Variants in TEKT1 observed in about 807,000 individuals in gnomAD.
TEKT1 encodes tektin-1.
In TEKT1, 32 loss-of-function variants were observed where a neutral mutation model predicts 34.8. The ratio of observed to expected loss-of-function variants is 0.92; its 90% confidence interval spans 0.69 to 1.23. The LOEUF (loss-of-function observed/expected upper bound fraction) is 1.23, where lower values mean the gene tolerates loss of function less well. Among genes scored for constraint, TEKT1 ranks in the 50% most tolerant of loss-of-function variants. TEKT1 has a pLI of 0.00. For synonymous variants in TEKT1, 207 were observed against 199.8 expected (o/e 1.04, Z -0.30); for missense variants, 492 against 518.5 (o/e 0.95, Z 0.50).
At chr17:6,804,384 T>C (rs1409379906) in intron 6 of TEKT1, among the ~76,000 whole-genome samples, 1 of 151,964 alleles carries the variant, frequency 6.6e-6, no homozygotes, top group East Asian at 1.9e-4. Flanking sequence ...GTTTTCTAGA[T>C]ATACAATCAT....
rs771032074 is a variant in TEKT1, at chr17:6,800,791, A to G, written c.1005T>C (p.Tyr335=). Residue 335 remains tyrosine (Y), a synonymous_variant, in exon 7 of 8, where the codon TAT becomes TAC. Coordinates refer to ENST00000338694, the MANE Select transcript of TEKT1 (RefSeq NM_053285.2). ...TCTCTTGAACCTCCTTCATTAGCCT[A>G]TATTGTGCGACATCACGACACAGCT... ...NVELCRDVAQ[Y]RLMKEVQEIT... 6.2e-7 allele frequency: 1 copy of G among 1,614,078 alleles called. No homozygotes were observed. Among genetic ancestry groups the G allele is most frequent in the Non-Finnish European group, 8.5e-7 (1 of 1,180,008 alleles).
At chr17:6,806,413 CTT>C (rs571776793) in intron 6 of TEKT1, among the ~76,000 whole-genome samples, 34 of 152,284 alleles carry the variant, frequency 2.2e-4, no homozygotes, top group African/African-American at 7.2e-4. Flanking sequence ...GGTCTTGACT[CTT>C]TATCCAATTT....
At chr17:6,813,224 C>A (rs1451576661) in intron 5 of TEKT1, among the ~76,000 whole-genome samples, 171 bp from the exon 6 acceptor site, 2 of 152,072 alleles carry the variant, frequency 1.3e-5, no homozygotes, top group Non-Finnish European at 2.9e-5. Flanking sequence ...TTTGGGCAAC[C>A]TCCCTACTCT....
At chr17:6,800,478 C>T (rs1377269021) in intron 7 of TEKT1, among the ~76,000 whole-genome samples, 15 of 152,188 alleles carry the variant, frequency 9.9e-5, no homozygotes, top group Admixed American at 9.8e-4. Flanking sequence ...ATGACGTAGA[C>T]ACCTTATGAA....
chr17:6,800,035 C>G lies in TEKT1; in HGVS notation c.1249G>C (p.Val417Leu), dbSNP rs375573570. The G allele has an allele frequency of 1.9e-6, 3 of 1,606,692 alleles. No individual in the cohort carries two copies. The African/African-American group carries it at 4.0e-5, about 21-fold the overall frequency. ...TGGAACTAGCCCTACTATTAGCAGACAGCATCAGGGCGGAGGCCCCCAGCC... is the reference window on the plus strand; with the variant it reads ...TGGAACTAGCCCTACTATTAGCAGAGAGCATCAGGGCGGAGGCCCCCAGCC... ...VWAGGLRPDA[V>L]C Residue 417 changes from valine (V) to leucine (L), a missense_variant, in exon 8 of 8, where the codon GTC (valine) becomes CTC (leucine). Physicochemically the swap from Val to Leu is conservative, Grantham distance 32 (BLOSUM62 1). Coordinates refer to ENST00000338694, the MANE Select transcript of TEKT1 (RefSeq NM_053285.2).
In TEKT1 at chr17:6,830,263, G is replaced by A. The variant is rs145017654; in HGVS notation, c.114C>T (p.Val38=). The change falls in exon 2 of 8, where the codon GTC becomes GTT. Residue 38 remains valine, a synonymous_variant. Coordinates refer to ENST00000338694, the MANE Select transcript of TEKT1 (RefSeq NM_053285.2). ...CATCCACAAGCCTCTGGCTTTCTGCGACCAGGCGTTCTGATCGGGACCTTT... is the reference window on the plus strand; with the variant it reads ...CATCCACAAGCCTCTGGCTTTCTGCAACCAGGCGTTCTGATCGGGACCTTT... The part of the protein sequence containing the change: ...DAQRSRSERL[V]AESQRLVDEI... The A allele has an allele frequency of 1.2e-5, 20 of 1,612,954 alleles. No homozygotes were observed. Among genetic ancestry groups the A allele is most frequent in the East Asian group, 4.5e-5 (2 of 44,850 alleles).
At chr17:6,804,827 G>T (rs1229277679) in intron 6 of TEKT1, among the ~76,000 whole-genome samples, 1 of 152,170 alleles carries the variant, frequency 6.6e-6, no homozygotes, top group East Asian at 1.9e-4. Flanking sequence ...GATCATGGTG[G>T]ATAAGCTTTT....
At chr17:6,830,827 T>C (rs1904554809) in intron 1 of TEKT1, among the ~76,000 whole-genome samples, 1 of 152,158 alleles carries the variant, frequency 6.6e-6, no homozygotes, top group Non-Finnish European at 1.5e-5. Context: ...TTTTCTACTG[T>C]TTATGGATAT....
chr17:6,811,224 TATCATCATCATC>T lies in TEKT1; in HGVS notation c.852+1595_852+1606del, dbSNP rs376522151. 3.3e-5 allele frequency among the ~76,000 whole-genome samples: 5 copies of T among 151,876 alleles called. No homozygotes were observed. Among genetic ancestry groups the T allele is most frequent in the Admixed American group, 6.6e-5 (1 of 15,244 alleles). On this transcript the variant is annotated intron_variant, in intron 6 of 7. Coordinates refer to ENST00000338694, the MANE Select transcript of TEKT1 (RefSeq NM_053285.2). This position sits in a 1 kb window ranked among gnomAD's most constrained non-coding sequence, Gnocchi z 4.4. ...GGAAGTCTCTGGATTATTCCTTGGC[TATCATCATCATC>T]ATCATCATCATCAATCAACTATTTT...
At chr17:6,824,303 T>TACC (rs71157225) in intron 2 of TEKT1, among the ~76,000 whole-genome samples, 1 of 151,904 alleles carries the variant, frequency 6.6e-6, no homozygotes, top group Non-Finnish European at 1.5e-5. Flanking sequence ...TTTATGTGAT[T>TACC]TCTGGCGTTA....
At chr17:6,804,856 A>G (rs372759164) in intron 6 of TEKT1, among the ~76,000 whole-genome samples, 12 of 152,194 alleles carry the variant, frequency 7.9e-5, no homozygotes, top group African/African-American at 4.8e-5. Context: ...TGCTGGATTC[A>G]GTTTGCCAGT....
chr17:6,824,013 G>A (rs188638582), intron 2 of TEKT1, among the ~76,000 whole-genome samples: 43 of 151,926 alleles, frequency 2.8e-4, no homozygotes, highest in African/African-American at 6.5e-4. Context: ...TAGTAGAGAC[G>A]AGGTCTCACC....
intron 2 of TEKT1, among the ~76,000 whole-genome samples, chr17:6,826,871 GT>G (rs1904420302): frequency 2.0e-5 from 3 of 151,260 alleles, no homozygotes; most frequent in African/African-American, 7.3e-5. Flanking sequence ...AATTTTTAGT[GT>G]TTTTAGTAGA....
chr17:6,808,859 T>C (rs922885062), intron 6 of TEKT1, among the ~76,000 whole-genome samples: 1 of 152,140 alleles, frequency 6.6e-6, no homozygotes, highest in Non-Finnish European at 1.5e-5. Flanking sequence ...CCAAAATACA[T>C]AGATAGCAAT....
chr17:6,830,439 C>A, intron 1 of TEKT1, 46 bp from the exon 2 acceptor site: 1 of 1,286,556 alleles, frequency 7.8e-7, no homozygotes, highest in Non-Finnish European at 1.1e-6. Flanking sequence ...GCAATTTGTC[C>A]TTTTTTATGA....
At chr17:6,804,212 CT>C (rs1976815719) in intron 6 of TEKT1, among the ~76,000 whole-genome samples, 2 of 152,116 alleles carry the variant, frequency 1.3e-5, no homozygotes, top group South Asian at 4.1e-4. Context: ...ATTTTATTCT[CT>C]TTGAAGCAAT....
chr17:6,827,966 A>C (rs113497136), intron 2 of TEKT1, among the ~76,000 whole-genome samples: 4 of 134,944 alleles, frequency 3.0e-5, no homozygotes, highest in African/African-American at 1.2e-4. Context: ...TTGTTTTGAG[A>C]CAGAGTCTCA....
At position 6,819,324 on chromosome 17, in the gene TEKT1, C is replaced by T; in HGVS notation, c.225G>A (p.Lys75=). 1.2e-6 allele frequency: 2 copies of T among 1,613,918 alleles called. No homozygotes were observed. Among genetic ancestry groups the T allele is most frequent in the African/African-American group, 2.7e-5 (2 of 75,036 alleles). The part of the protein sequence containing the change: ...QRLEEVQFWK[K]ELDDKLEQLV... The stretch of plus-strand genomic sequence containing the variant: ...GCTGCTCAAGTTTGTCATCTAACTC[C>T]TTCTTCCAGAACTGGACTTCCTCGA... Residue 75 remains lysine (K), a synonymous_variant, in exon 3 of 8, where the codon AAG becomes AAA. Transcript: ENST00000338694.
intron 6 of TEKT1, among the ~76,000 whole-genome samples, chr17:6,803,955 T>A (rs1219269131): frequency 6.6e-6 from 1 of 152,152 alleles, no homozygotes; most frequent in Non-Finnish European, 1.5e-5. Context: ...CCTTTTTTGG[T>A]TCCATATGGA....
Sources: allele counts gnomAD v4.1 joint callset (sites outside exome capture counted in the v4.1 genomes callset), GRCh38; gene constraint gnomAD v4.1.1; non-coding constraint Gnocchi (gnomAD v3.1); transcripts MANE v1.5; gene names NCBI Gene and HGNC (gene_info 2026-07-23, HGNC 2026-07-21).